Variants in ZNF787 observed in about 807,000 individuals in gnomAD.
ZNF787 encodes the protein TTF-I-interacting peptide 20.
ZNF787 carries 7 observed loss-of-function variants against 16.9 expected under a neutral mutation model. That is an observed-to-expected ratio of 0.42 (90% CI 0.24 to 0.78). ZNF787 has a LOEUF of 0.78. Among genes scored for constraint, ZNF787 ranks in the 30% least tolerant of loss-of-function variants. The pLI, the probability that ZNF787 is intolerant of heterozygous loss-of-function variation, is 0.30. For synonymous variants in ZNF787, 345 were observed against 270.9 expected (o/e 1.27, Z -2.69); for missense variants, 551 against 589.3 (o/e 0.94, Z 0.67).
chr19:56,101,290 G>A (rs1321317575), intron 2 of ZNF787, among the ~76,000 whole-genome samples: 3 of 152,242 alleles, frequency 2.0e-5, no homozygotes, highest in East Asian at 3.8e-4. Context: ...GCTTGGGAGC[G>A]TGCGCAGCCC....
At chr19:56,111,327 G>A (rs895465494) in intron 1 of ZNF787, among the ~76,000 whole-genome samples, 10 of 152,130 alleles carry the variant, frequency 6.6e-5, no homozygotes, top group African/African-American at 2.2e-4. Flanking sequence ...CTGGGGCTCC[G>A]TGCTCAGCAG....
At chr19:56,103,055 G>C in intron 2 of ZNF787, 84 bp downstream of exon 2, 2 of 1,476,980 alleles carry the variant, frequency 1.4e-6, no homozygotes, top group Non-Finnish European at 1.9e-6. Context: ...CAGGGAAGGG[G>C]GGTTTCCTCC....
chr19:56,105,699 C>G (rs1210547327), intron 1 of ZNF787, among the ~76,000 whole-genome samples: 2 of 152,252 alleles, frequency 1.3e-5, no homozygotes, highest in East Asian at 3.9e-4. Context: ...GGCTCACACC[C>G]CAGGGCCCAC....
intron 1 of ZNF787, among the ~76,000 whole-genome samples, chr19:56,118,177 G>A: frequency 6.6e-6 from 1 of 152,230 alleles, no homozygotes; most frequent in East Asian, 1.9e-4. Flanking sequence ...AGGTGTGACT[G>A]CTCGAACTCC....
At chr19:56,103,798 T>C (rs1986198139) in intron 1 of ZNF787, among the ~76,000 whole-genome samples, 2 of 141,764 alleles carry the variant, frequency 1.4e-5, no homozygotes, top group Admixed American at 7.0e-5. Context: ...ACCAGGAGGG[T>C]CTCTACGCAC....
intron 2 of ZNF787, among the ~76,000 whole-genome samples, chr19:56,100,256 G>C (rs1320835882): frequency 6.6e-6 from 1 of 152,066 alleles, no homozygotes. Flanking sequence ...TCCAACACAG[G>C]ACATAGACAC....
At position 56,088,618 on chromosome 19, in the gene ZNF787, CG is replaced by C; in HGVS notation, c.553del (p.Arg185AlafsTer329). The C allele has an allele frequency of 6.6e-7, 1 of 1,523,038 alleles. No homozygotes were observed. The highest frequency in any genetic ancestry group is 8.8e-7 in the Non-Finnish European group (1 of 1,142,618). 94.3% of individuals were successfully genotyped at this position (1,523,038 alleles called of 1,614,324 possible). A position where few individuals can be genotyped will look rare whatever the true frequency, so the allele number is the denominator to read the frequency against. On this transcript the variant is annotated frameshift_variant, in exon 3 of 3. Coordinates refer to ENST00000610935, the MANE Select transcript of ZNF787 (RefSeq NM_001002836.4). LOFTEE classifies it high-confidence loss of function. The surrounding 1 kb of genome is among the most constrained non-coding windows in gnomAD (Gnocchi z 8.6). ...GAGGCTCTTGGGCTGGCTGAAGCCGCGGCCGCAGCGCGGGCACACGAAGGGC... is the reference window on the plus strand; with the variant it reads ...GAGGCTCTTGGGCTGGCTGAAGCCGCGCCGCAGCGCGGGCACACGAAGGGC... ...LKPFVCPRCG[R>X]GFSQPKSLAR...
intron 1 of ZNF787, among the ~76,000 whole-genome samples, chr19:56,107,311 C>A (rs1035955446): frequency 5.3e-5 from 8 of 152,186 alleles, no homozygotes; most frequent in Non-Finnish European, 1.0e-4. Context: ...ATGCCCAGTA[C>A]CACCCACCAC....
chr19:56,109,991 T>C (rs1357856369), intron 1 of ZNF787, among the ~76,000 whole-genome samples: 1 of 152,204 alleles, frequency 6.6e-6, no homozygotes, highest in African/African-American at 2.4e-5. Flanking sequence ...CGCAGCCTAA[T>C]GTTCAGGAAT....
At chr19:56,102,915 C>T (rs765622462) in intron 2 of ZNF787, 1 of 706,792 alleles carries the variant, frequency 1.4e-6, no homozygotes. Flanking sequence ...CCCAGGGGTC[C>T]CCAAGATCAT....
intron 2 of ZNF787, among the ~76,000 whole-genome samples, chr19:56,094,186 GCTT>G (rs1985777887): frequency 1.8e-5 from 2 of 113,854 alleles, no homozygotes; most frequent in Non-Finnish European, 3.6e-5. Context: ...ATCATGCCCG[GCTT>G]TTTTTTTTTT....
At chr19:56,093,114 C>T in intron 2 of ZNF787, among the ~76,000 whole-genome samples, 1 of 149,518 alleles carries the variant, frequency 6.7e-6, no homozygotes, top group East Asian at 2.0e-4. Context: ...CAGGGGATGG[C>T]GGAAGTGGGA....
At chr19:56,107,281 G>C (rs1053401096) in intron 1 of ZNF787, among the ~76,000 whole-genome samples, 3 of 152,144 alleles carry the variant, frequency 2.0e-5, no homozygotes, top group Non-Finnish European at 2.9e-5. Flanking sequence ...TTCACACACA[G>C]ACCATCAGGC....
chr19:56,101,870 G>C (rs1376285232), intron 2 of ZNF787: 2 of 152,266 alleles, frequency 1.3e-5, no homozygotes, highest in East Asian at 3.9e-4. Context: ...ATGCGAGGGA[G>C]AAGGCAGGGG....
intron 2 of ZNF787, among the ~76,000 whole-genome samples, chr19:56,093,148 C>T (rs1162951744): frequency 6.7e-6 from 1 of 149,928 alleles, no homozygotes; most frequent in Non-Finnish European, 1.5e-5. Context: ...CAGGGGATGG[C>T]GGAACTGGGA....
chr19:56,101,144 C>T (rs894144195), intron 2 of ZNF787, among the ~76,000 whole-genome samples: 1 of 148,752 alleles, frequency 6.7e-6, no homozygotes, highest in African/African-American at 2.5e-5. Context: ...CGCATGTAGG[C>T]GGGACTCCAC....
At chr19:56,103,007 C>T (rs1377709706) in intron 2 of ZNF787, 132 bp downstream of exon 2, 1 of 946,648 alleles carries the variant, frequency 1.1e-6, no homozygotes, top group Admixed American at 1.9e-5. Context: ...GGAGGGGAGG[C>T]CAGGGTCGGG....
chr19:56,110,408 T>G (rs554679997), intron 1 of ZNF787, among the ~76,000 whole-genome samples: 1 of 151,784 alleles, frequency 6.6e-6, no homozygotes, highest in South Asian at 2.1e-4. Flanking sequence ...TTGTAATACA[T>G]TAATTGCACC....
chr19:56,093,246 A>G (rs1018267673), intron 2 of ZNF787, among the ~76,000 whole-genome samples: 1 of 147,250 alleles, frequency 6.8e-6, no homozygotes. Context: ...ACAGGGGATG[A>G]CAGAATTGAG....
Sources: allele counts gnomAD v4.1 joint callset (sites outside exome capture counted in the v4.1 genomes callset), GRCh38; gene constraint gnomAD v4.1.1; non-coding constraint Gnocchi (gnomAD v3.1); transcripts MANE v1.5; gene names NCBI Gene and HGNC (gene_info 2026-07-23, HGNC 2026-07-21).